CTNNA3: variants seen among roughly 807,000 people sequenced by gnomAD.
CTNNA3 encodes catenin alpha 3, also known as catenin alpha-3.
CTNNA3 carries 76 observed loss-of-function variants against 95.7 expected under a neutral mutation model. The ratio of observed to expected loss-of-function variants is 0.79; its 90% CI spans 0.66 to 0.96. CTNNA3 has a LOEUF of 0.96. Among genes scored for constraint, CTNNA3 ranks in the 40% least tolerant of loss-of-function variants. The probability of loss-of-function intolerance (pLI) is 0.00; values close to 1 mark genes in which losing one functional copy is unlikely to be tolerated. For missense variants in CTNNA3, 1,191 were observed against 1,089.8 expected (o/e 1.09, Z -1.31); for synonymous variants, 431 against 374.4 (o/e 1.15, Z -1.74).
At chr10:66,328,911 CATATATATAT>C (rs1554935009) in intron 12 of CTNNA3, among the ~76,000 whole-genome samples, 4 of 86,492 alleles carry the variant, frequency 4.6e-5, no homozygotes, top group South Asian at 4.1e-4. Context: ...CACATATATA[CATATATATAT>C]ATATATATAT....
chr10:66,831,169 G>T (rs527335109), intron 7 of CTNNA3, among the ~76,000 whole-genome samples: 52 of 152,128 alleles, frequency 3.4e-4, no homozygotes, highest in Non-Finnish European at 5.3e-4. Flanking sequence ...TCTCTAATCT[G>T]CAGGAAAAAC....
chr10:67,261,306 C>T (rs1291690682), intron 5 of CTNNA3, among the ~76,000 whole-genome samples: 1 of 152,046 alleles, frequency 6.6e-6, no homozygotes, highest in Non-Finnish European at 1.5e-5. Flanking sequence ...TCAAGAGGGA[C>T]AGAAGTGCTC....
chr10:66,764,962 A>C lies in CTNNA3; in HGVS notation c.1281+1302T>G, dbSNP rs1031682823. Among the ~76,000 whole-genome samples, 3 of 152,330 alleles carry C rather than the reference A, an allele frequency of 2.0e-5. No individual in the cohort carries two copies. The East Asian group carries it at 5.8e-4, about 29-fold the overall frequency. On this transcript the variant is annotated intron_variant, in intron 9 of 17. Coordinates refer to ENST00000433211, the MANE Select transcript of CTNNA3 (RefSeq NM_013266.4). ...CTGGAAATTAGCTCCAACTCTAATTAGCTTGGTTTGGGTTTTATATCTTTA... is the reference window on the plus strand; with the variant it reads ...CTGGAAATTAGCTCCAACTCTAATTCGCTTGGTTTGGGTTTTATATCTTTA...
chr10:66,777,427 T>C (rs908403359), intron 7 of CTNNA3, among the ~76,000 whole-genome samples: 8 of 152,088 alleles, frequency 5.3e-5, no homozygotes, highest in African/African-American at 1.9e-4. Flanking sequence ...TAGGAGAGAT[T>C]TGGTTAGGTT....
chr10:66,908,108 G>T (rs938389630), intron 7 of CTNNA3, among the ~76,000 whole-genome samples: 1 of 152,178 alleles, frequency 6.6e-6, no homozygotes, highest in African/African-American at 2.4e-5. Context: ...TCTAAAGGAA[G>T]TTAGTACATG....
intron 6 of CTNNA3, among the ~76,000 whole-genome samples, chr10:67,212,924 T>C (rs1385292735): frequency 6.6e-6 from 1 of 151,924 alleles, no homozygotes; most frequent in African/African-American, 2.4e-5. Flanking sequence ...CTGTGTAGCA[T>C]CGTTTCACAC....
intron 7 of CTNNA3, among the ~76,000 whole-genome samples, chr10:67,032,492 C>A (rs10997487): frequency 0.35 from 53,678 of 151,890 alleles, 11,207 homozygotes; most frequent in East Asian, 0.51. Context: ...TTGTGGAGGT[C>A]CTGCTATAGT....
chr10:67,227,760 C>T (rs1031845673), intron 5 of CTNNA3, among the ~76,000 whole-genome samples: 1 of 152,142 alleles, frequency 6.6e-6, no homozygotes, highest in Non-Finnish European at 1.5e-5. Flanking sequence ...TTCAACAGCA[C>T]ATGGAACTTT....
chr10:66,216,033 T>C (rs930335901), intron 13 of CTNNA3, among the ~76,000 whole-genome samples: 2 of 152,262 alleles, frequency 1.3e-5, no homozygotes, highest in African/African-American at 4.8e-5. Context: ...TGGAGGCTAA[T>C]GCAAATCCAT....
At chr10:67,049,728 G>A (rs1360669603) in intron 7 of CTNNA3, among the ~76,000 whole-genome samples, 5 of 151,998 alleles carry the variant, frequency 3.3e-5, no homozygotes, top group Admixed American at 2.0e-4. Context: ...CTGCCTATTC[G>A]GCCTCAGTCT....
At chr10:67,097,797 CTG>C in intron 7 of CTNNA3, 1 of 1,611,986 alleles carries the variant, frequency 6.2e-7, no homozygotes, top group South Asian at 1.1e-5. Flanking sequence ...GCTAGCTTAA[CTG>C]AGATCATTGG....
intron 15 of CTNNA3, among the ~76,000 whole-genome samples, chr10:66,000,465 T>A (rs1032731255): frequency 1.3e-5 from 2 of 152,186 alleles, no homozygotes; most frequent in Non-Finnish European, 2.9e-5. Flanking sequence ...ATCTATGAAA[T>A]GATTTGGTAG....
At chr10:66,251,075 A>G (rs1222345064) in intron 13 of CTNNA3, among the ~76,000 whole-genome samples, 1 of 152,162 alleles carries the variant, frequency 6.6e-6, no homozygotes, top group African/African-American at 2.4e-5. Flanking sequence ...TGCTTGCAGA[A>G]CCACATGGAA....
intron 7 of CTNNA3, among the ~76,000 whole-genome samples, chr10:67,055,525 A>C (rs1017296357): frequency 6.6e-6 from 1 of 152,218 alleles, no homozygotes; most frequent in African/African-American, 2.4e-5. Flanking sequence ...TCTGGAAAGG[A>C]GACAATGCCA....
chr10:66,009,265 G>T (rs892942166), intron 15 of CTNNA3, among the ~76,000 whole-genome samples: 29 of 152,092 alleles, frequency 1.9e-4, no homozygotes, highest in African/African-American at 6.5e-4. Flanking sequence ...ATCTTGTTCT[G>T]TTTGGGCTTC....
chr10:66,238,801 T>C (rs552803406), intron 13 of CTNNA3, among the ~76,000 whole-genome samples: 3 of 152,120 alleles, frequency 2.0e-5, no homozygotes, highest in South Asian at 2.1e-4. Context: ...TAATTTCTAA[T>C]GTTTCAATTA....
chr10:66,716,590 CTGTAGGCCAG>C (rs1421185852), intron 9 of CTNNA3, among the ~76,000 whole-genome samples: 6 of 152,130 alleles, frequency 3.9e-5, no homozygotes, highest in Admixed American at 3.3e-4. Context: ...TGAGCCAGTG[CTGTAGGCCAG>C]AATTGAGGCA....
Position 67,521,991 on chromosome 10 carries a change from G to A in CTNNA3, c.460-30C>T, listed in dbSNP as rs771528770. On this transcript the variant is annotated intron_variant, in intron 4 of 17. Transcript: ENST00000433211. ...AATTGAAAACAAAAGTAGATCATTA[G>A]GATAGCAGCAGATTTTTCTCAAATT... The A allele has an allele frequency of 5.7e-6, 9 of 1,590,064 alleles. No individual in the cohort carries two copies. In the East Asian group the frequency reaches 2.0e-4, roughly 36 times the overall value.
intron 13 of CTNNA3, among the ~76,000 whole-genome samples, chr10:66,210,989 G>T (rs1405014298): frequency 1.3e-5 from 2 of 152,114 alleles, no homozygotes; most frequent in South Asian, 2.1e-4. Flanking sequence ...AGCTCTCTGG[G>T]GGCATCTATA....
Sources: gnomAD v4.1 joint callset for allele counts (sites outside exome capture counted in the v4.1 genomes callset) on GRCh38, gnomAD v4.1.1 for gene constraint, MANE v1.5 for transcripts, NCBI Gene and HGNC (gene_info 2026-07-23, HGNC 2026-07-21) for gene names.